CUL3: variants seen among roughly 807,000 people sequenced by gnomAD.
The protein encoded by CUL3 is cullin-3.
CUL3 carries 19 observed loss-of-function variants against 89.1 expected under a neutral mutation model. The ratio of observed to expected loss-of-function variants is 0.21; its 90% CI spans 0.15 to 0.31. CUL3 has a LOEUF of 0.31. CUL3 is among the 10% of genes least tolerant of loss of function. The pLI, the probability that CUL3 is intolerant of heterozygous loss-of-function variation, is 1.00. For missense variants in CUL3, 469 were observed against 942.3 expected, an observed-to-expected ratio of 0.50 and a Z score of 6.58; for synonymous variants, 351 against 308.4, an observed-to-expected ratio of 1.14 and a Z score of -1.45.
intron 3 of CUL3, among the ~76,000 whole-genome samples, chr2:224,522,314 T>C (rs974165938): frequency 2.6e-5 from 4 of 152,054 alleles, no homozygotes; most frequent in Non-Finnish European, 4.4e-5. Context: ...AGAATCATAG[T>C]GGGGGAAAAA....
chr2:224,524,498 T>C (rs566433649), intron 3 of CUL3, among the ~76,000 whole-genome samples: 186 of 152,224 alleles, frequency 1.2e-3, no homozygotes, highest in African/African-American at 4.3e-3. Context: ...TCTAGGAACA[T>C]TAATTCAGAA....
chr2:224,495,778 A>G (rs2106179159), intron 13 of CUL3, 54 bp downstream of exon 13: 1 of 1,471,954 alleles, frequency 6.8e-7, no homozygotes, highest in Non-Finnish European at 9.3e-7. Flanking sequence ...GACTCAAGTA[A>G]CAAGTGAGAG....
chr2:224,566,305 A>C (rs1308382191), intron 1 of CUL3, among the ~76,000 whole-genome samples: 4 of 152,224 alleles, frequency 2.6e-5, no homozygotes, highest in Non-Finnish European at 5.9e-5. Flanking sequence ...CTTTTTGAAC[A>C]ACCAAAAGAC....
intron 2 of CUL3, chr2:224,556,389 A>G (rs1281957226): frequency 6.6e-6 from 1 of 152,178 alleles, no homozygotes; most frequent in African/African-American, 2.4e-5. Context: ...GATGTGATGC[A>G]CTGAGGACAC....
intron 3 of CUL3, among the ~76,000 whole-genome samples, chr2:224,527,890 G>C (rs1307418097): frequency 6.6e-6 from 1 of 152,134 alleles, no homozygotes; most frequent in African/African-American, 2.4e-5. Context: ...ACCCAAGAGG[G>C]AAAATTCTAT....
chr2:224,484,899 G>A (rs1362160849), intron 13 of CUL3, among the ~76,000 whole-genome samples: 1 of 152,198 alleles, frequency 6.6e-6, no homozygotes, highest in Non-Finnish European at 1.5e-5. Flanking sequence ...TAATGCAGAA[G>A]GTGGGTGATT....
chr2:224,541,809 A>C (rs370882620), intron 2 of CUL3, among the ~76,000 whole-genome samples: 2 of 152,148 alleles, frequency 1.3e-5, no homozygotes, highest in Non-Finnish European at 1.5e-5. Flanking sequence ...AAGATTACAA[A>C]CTATAATTCC....
Position 224,472,720 on chromosome 2 carries a change from G to T in CUL3, c.*1525C>A, listed in dbSNP as rs1029135923. ...TAAAAGCATATTTGCAAGTCTAAAA[G>T]GAAAATTATAACCCAAGACGCATGG... On this transcript the variant is annotated 3_prime_UTR_variant, in exon 16 of 16. Transcript: ENST00000264414. The T allele has an allele frequency of 5.1e-6, 1 of 195,244 alleles. No homozygotes were observed. 12.1% of individuals were successfully genotyped at this position (195,244 alleles called of 1,614,324 possible). A position where few individuals can be genotyped will look rare whatever the true frequency, so the allele number is the denominator to read the frequency against.
At chr2:224,569,607 T>C (rs936456209) in intron 1 of CUL3, 6 of 669,514 alleles carry the variant, frequency 9.0e-6, no homozygotes, top group Non-Finnish European at 1.1e-5. Context: ...AATCTTTTCA[T>C]TTACATTACT....
At chr2:224,534,240 T>A (rs898404717) in intron 3 of CUL3, among the ~76,000 whole-genome samples, 1 of 152,178 alleles carries the variant, frequency 6.6e-6, no homozygotes, top group African/African-American at 2.4e-5. Flanking sequence ...ACAGCTGAGA[T>A]CAAAGTCAGT....
chr2:224,497,924 T>C (rs1692226065), intron 11 of CUL3, 75 bp from the exon 12 acceptor site: 2 of 1,100,256 alleles, frequency 1.8e-6, no homozygotes, highest in Non-Finnish European at 2.8e-6. Flanking sequence ...CAGGATAACA[T>C]CCCTTAAACA....
chr2:224,565,439 G>C (rs180957196), intron 1 of CUL3, among the ~76,000 whole-genome samples: 1 of 152,224 alleles, frequency 6.6e-6, no homozygotes, highest in African/African-American at 2.4e-5. Context: ...AGGAGAGGGA[G>C]CCATACTCTG....
At chr2:224,494,383 G>A (rs3845840) in intron 13 of CUL3, among the ~76,000 whole-genome samples, 43,818 of 151,780 alleles carry the variant, frequency 0.29, 6,656 homozygotes, top group Middle Eastern at 0.41. Flanking sequence ...AAATGTACAG[G>A]AAAAGACTAA....
At chr2:224,584,891 GC>G (rs1431358785) in intron 1 of CUL3, 52 bp downstream of exon 1, 6 of 1,372,892 alleles carry the variant, frequency 4.4e-6, no homozygotes, top group Admixed American at 2.3e-5. Context: ...CTCGCGTGCG[GC>G]TCTCGGCCCG....
intron 1 of CUL3, among the ~76,000 whole-genome samples, chr2:224,571,989 A>C (rs1392238709): frequency 6.6e-6 from 1 of 152,242 alleles, no homozygotes; most frequent in East Asian, 1.9e-4. Flanking sequence ...GAAGGAGTCC[A>C]AGTGTCCTAA....
At chr2:224,505,367 C>G (rs1692559342) in intron 8 of CUL3, among the ~76,000 whole-genome samples, 1 of 152,120 alleles carries the variant, frequency 6.6e-6, no homozygotes, top group South Asian at 2.1e-4. Context: ...AAACTCCCAA[C>G]CTCAGGTGGT....
At chr2:224,515,343 A>T (rs1263775325) in intron 3 of CUL3, among the ~76,000 whole-genome samples, 1 of 152,238 alleles carries the variant, frequency 6.6e-6, no homozygotes, top group Non-Finnish European at 1.5e-5. Flanking sequence ...CAGATATCTC[A>T]GTTTATAAAG....
intron 3 of CUL3, among the ~76,000 whole-genome samples, chr2:224,524,393 C>A (rs1003858655): frequency 6.6e-6 from 1 of 152,158 alleles, no homozygotes; most frequent in Non-Finnish European, 1.5e-5. Flanking sequence ...TTTACTGATA[C>A]AGCACCCTAA....
At chr2:224,531,538 T>G in intron 3 of CUL3, among the ~76,000 whole-genome samples, 1 of 145,198 alleles carries the variant, frequency 6.9e-6, no homozygotes, top group African/African-American at 2.6e-5. Flanking sequence ...GACATAATAG[T>G]ACACAAACAC....
Sources: allele counts gnomAD v4.1 joint callset (sites outside exome capture counted in the v4.1 genomes callset), GRCh38; gene constraint gnomAD v4.1.1; transcripts MANE v1.5; gene names NCBI Gene and HGNC (gene_info 2026-07-23, HGNC 2026-07-21).